ADAMTS12: variants seen among roughly 807,000 people sequenced by gnomAD.
The protein encoded by ADAMTS12 is ADAM metallopeptidase with thrombospondin type 1 motif 12.
ADAMTS12 carries 118 observed loss-of-function variants against 167.8 expected under a neutral mutation model. That is an observed-to-expected ratio of 0.70 (90% confidence interval 0.61 to 0.82). The LOEUF (loss-of-function observed/expected upper bound fraction) is 0.82, where lower values mean the gene tolerates loss of function less well. ADAMTS12 is among the 40% of genes least tolerant of loss of function. ADAMTS12 has a pLI of 0.00. For missense variants in ADAMTS12, 1,916 were observed against 1,998.8 expected (o/e 0.96, Z 0.79); for synonymous variants, 704 against 716.9 (o/e 0.98, Z 0.29).
intron 2 of ADAMTS12, among the ~76,000 whole-genome samples, chr5:33,755,691 A>G (rs963532559): frequency 6.6e-6 from 1 of 152,214 alleles, no homozygotes; most frequent in African/African-American, 2.4e-5. Flanking sequence ...CCTGAAGGGT[A>G]AGAGCCAATG....
At position 33,527,269 on chromosome 5, in the gene ADAMTS12, G is replaced by GCAGCACT. The variant is rs1561100722; in HGVS notation, c.4697_4703dup (p.Cys1568Ter). On this transcript the variant is annotated stop_gained and frameshift_variant, in exon 24 of 24. Coordinates refer to ENST00000504830, the MANE Select transcript of ADAMTS12 (RefSeq NM_030955.4). LOFTEE classifies it low-confidence loss of function (END_TRUNC). ...TGATGTGTGTCTGGGGACACGAGAA[G>GCAGCACT]CAGCACTCAGCCCTCACGGTGGGCA... The GCAGCACT allele has an allele frequency of 6.2e-7, 1 of 1,614,080 alleles. No homozygotes were observed. Among genetic ancestry groups the GCAGCACT allele is most frequent in the Admixed American group, 1.7e-5 (1 of 60,000 alleles).
chr5:33,761,403 A>G (rs956048832), intron 2 of ADAMTS12, among the ~76,000 whole-genome samples: 1 of 152,178 alleles, frequency 6.6e-6, no homozygotes, highest in Non-Finnish European at 1.5e-5. Flanking sequence ...ATGTTTCACA[A>G]TGATTTGTGG....
chr5:33,750,557 A>G (rs1744937949), intron 3 of ADAMTS12, among the ~76,000 whole-genome samples: 2 of 152,170 alleles, frequency 1.3e-5, no homozygotes, highest in Admixed American at 6.5e-5. Flanking sequence ...CTCAAGACTC[A>G]TAAATAATGT....
chr5:33,543,924 T>G (rs1744833393), intron 22 of ADAMTS12, among the ~76,000 whole-genome samples: 1 of 152,164 alleles, frequency 6.6e-6, no homozygotes, highest in Middle Eastern at 3.2e-3. Flanking sequence ...AGGCAAAAAC[T>G]GGAAGCATTC....
At chr5:33,614,905 A>C (rs1340470652) in intron 15 of ADAMTS12, among the ~76,000 whole-genome samples, 1 of 152,164 alleles carries the variant, frequency 6.6e-6, no homozygotes, top group Non-Finnish European at 1.5e-5. Context: ...GTTAACTTGT[A>C]TTATGTTTGT....
At chr5:33,644,647 G>C (rs566937531) in intron 9 of ADAMTS12, among the ~76,000 whole-genome samples, 254 of 151,940 alleles carry the variant, frequency 1.7e-3, no homozygotes, top group Non-Finnish European at 2.7e-3. Context: ...CTTGTTAAGG[G>C]CTTCTTAAGG....
At chr5:33,608,347 C>T (rs1242062151) in intron 16 of ADAMTS12, among the ~76,000 whole-genome samples, 1 of 152,116 alleles carries the variant, frequency 6.6e-6, no homozygotes, top group Non-Finnish European at 1.5e-5. Flanking sequence ...AGACAGAGTT[C>T]GATCATTTTA....
intron 3 of ADAMTS12, among the ~76,000 whole-genome samples, chr5:33,703,441 GT>G (rs1303697236): frequency 6.6e-6 from 1 of 152,126 alleles, no homozygotes; most frequent in Non-Finnish European, 1.5e-5. Flanking sequence ...TTTAGAAAAT[GT>G]TTAAGTATAT....
intron 9 of ADAMTS12, among the ~76,000 whole-genome samples, chr5:33,643,800 C>A (rs1005616293): frequency 1.3e-5 from 2 of 152,220 alleles, no homozygotes; most frequent in Non-Finnish European, 2.9e-5. Context: ...TGGTGATCAT[C>A]TATGAAAGGT....
intron 2 of ADAMTS12, among the ~76,000 whole-genome samples, chr5:33,862,096 C>T (rs1185961722): frequency 6.6e-6 from 1 of 152,138 alleles, no homozygotes; most frequent in Non-Finnish European, 1.5e-5. Context: ...AAAATCGACA[C>T]ACTAACATCA....
intron 2 of ADAMTS12, among the ~76,000 whole-genome samples, chr5:33,762,894 G>A (rs1355940700): frequency 6.6e-6 from 1 of 152,194 alleles, no homozygotes; most frequent in African/African-American, 2.4e-5. Context: ...TTCTCTTTAA[G>A]TAGGAGGTAA....
chr5:33,700,553 G>C (rs989661977), intron 3 of ADAMTS12, among the ~76,000 whole-genome samples: 1 of 152,172 alleles, frequency 6.6e-6, no homozygotes, highest in Non-Finnish European at 1.5e-5. Flanking sequence ...AGGGAGGTGG[G>C]TATGGTTATA....
chr5:33,709,191 A>G (rs12515646), intron 3 of ADAMTS12, among the ~76,000 whole-genome samples: 92,828 of 151,998 alleles, frequency 0.61, 29,525 homozygotes, highest in Non-Finnish European at 0.69. Flanking sequence ...ATTATTACAA[A>G]ATCAAGAAAC....
At chr5:33,712,076 A>G (rs1017826611) in intron 3 of ADAMTS12, among the ~76,000 whole-genome samples, 2 of 152,090 alleles carry the variant, frequency 1.3e-5, no homozygotes, top group Non-Finnish European at 1.5e-5. Context: ...ACCTCAGTTT[A>G]CTCATCTGTA....
intron 2 of ADAMTS12, among the ~76,000 whole-genome samples, chr5:33,755,910 G>C (rs545112450): frequency 6.6e-6 from 1 of 152,236 alleles, no homozygotes; most frequent in South Asian, 2.1e-4. Flanking sequence ...AGGTACCCAA[G>C]GTACCCAATA....
chr5:33,883,916 T>A (rs1004142518), intron 1 of ADAMTS12, among the ~76,000 whole-genome samples: 1 of 152,154 alleles, frequency 6.6e-6, no homozygotes, highest in African/African-American at 2.4e-5. Context: ...AGAGAAACTG[T>A]GGGTGGGTGA....
intron 2 of ADAMTS12, among the ~76,000 whole-genome samples, chr5:33,865,769 G>A (rs1749795608): frequency 6.6e-6 from 1 of 152,092 alleles, no homozygotes; most frequent in Non-Finnish European, 1.5e-5. Context: ...TAAAGTATCT[G>A]GTTATAAAAT....
At position 33,548,143 on chromosome 5, in the gene ADAMTS12, C is replaced by G. The variant is rs190460020; in HGVS notation, c.4302+1064G>C. Among the ~76,000 whole-genome samples, 387 of 152,294 alleles carry G rather than the reference C, an allele frequency of 2.5e-3. 1 individual carries two copies. Among genetic ancestry groups the G allele is most frequent in the Admixed American group, 4.4e-3 (68 of 15,294 alleles). On this transcript the variant is annotated intron_variant, in intron 21 of 23. Transcript: ENST00000504830. ...TGTAGCCTCAGGTTGGGATTCTCTG[C>G]CTTCCCTTCACTGGCACATGGTAGG...
chr5:33,777,067 T>A (rs1057021156), intron 2 of ADAMTS12, among the ~76,000 whole-genome samples: 2 of 152,158 alleles, frequency 1.3e-5, no homozygotes, highest in Non-Finnish European at 2.9e-5. Flanking sequence ...TAGGACCTCT[T>A]GGCTTCAGTG....
Sources: allele counts gnomAD v4.1 joint callset (sites outside exome capture counted in the v4.1 genomes callset), GRCh38; gene constraint gnomAD v4.1.1; transcripts MANE v1.5; gene names NCBI Gene and HGNC (gene_info 2026-07-23, HGNC 2026-07-21).